The following KCNIP4 variants were observed in gnomAD, a reference collection of about 807,000 sequenced individuals.
KCNIP4 encodes the protein potassium voltage-gated channel interacting protein 4.
A neutral mutation model predicts 34.0 loss-of-function variants in KCNIP4; 12 were observed. The observed-to-expected ratio is 0.35, with a 90% confidence interval of 0.23 to 0.57. The LOEUF (loss-of-function observed/expected upper bound fraction) is 0.57, where lower values mean the gene tolerates loss of function less well. Ranked by LOEUF, KCNIP4 falls within the 20% of genes least tolerant of loss-of-function variation. The pLI is 0.83. For synonymous variants in KCNIP4, 124 were observed against 102.2 expected (o/e 1.21, Z -1.29); for missense variants, 238 against 311.7 (o/e 0.76, Z 1.78).
At chr4:21,462,146 C>A (rs1168656229) in intron 1 of KCNIP4, among the ~76,000 whole-genome samples, 1 of 152,016 alleles carries the variant, frequency 6.6e-6, no homozygotes, top group Non-Finnish European at 1.5e-5. Context: ...GATCTTATTC[C>A]TTCTAAGTAA....
At position 21,674,774 on chromosome 4, in the gene KCNIP4, C is replaced by T. The variant is rs377409875; in HGVS notation, c.61+273797G>A. On this transcript the variant is annotated intron_variant, in intron 1 of 8. Coordinates refer to ENST00000382152, the MANE Select transcript of KCNIP4 (RefSeq NM_025221.6). Reference sequence around the variant, plus strand: ...CCATACCTCAATCATCTGTGGATCCCATTCATGGTTGAACAGTACCTGTAT... The same window carrying T: ...CCATACCTCAATCATCTGTGGATCCTATTCATGGTTGAACAGTACCTGTAT... Among the ~76,000 whole-genome samples, 10 of 152,244 alleles carry T rather than the reference C, an allele frequency of 6.6e-5. No individual in the cohort carries two copies. The East Asian group carries it at 1.5e-3, about 23-fold the overall frequency.
At chr4:21,433,328 G>T (rs975051982) in intron 1 of KCNIP4, among the ~76,000 whole-genome samples, 2 of 152,144 alleles carry the variant, frequency 1.3e-5, no homozygotes, top group African/African-American at 2.4e-5. Context: ...GGGGCTGGGT[G>T]CAGTGGCTCA....
chr4:20,779,609 CA>C (rs1206660998), intron 3 of KCNIP4, among the ~76,000 whole-genome samples: 16 of 42,540 alleles, frequency 3.8e-4, no homozygotes, highest in African/African-American at 1.4e-3. Context: ...GAAATGAAAA[CA>C]AAAAAAATTT....
intron 1 of KCNIP4, among the ~76,000 whole-genome samples, chr4:21,709,126 T>G (rs1713515732): frequency 6.6e-6 from 1 of 151,098 alleles, no homozygotes. Context: ...TGAGGTGAGA[T>G]CCCCAAAAAA....
intron 1 of KCNIP4, among the ~76,000 whole-genome samples, chr4:21,892,506 A>G (rs193075693): frequency 1.4e-5 from 2 of 144,424 alleles, no homozygotes; most frequent in Admixed American, 7.0e-5. Context: ...CATTTTCTGT[A>G]TGTATATTAT....
At chr4:21,396,238 A>T (rs1377765505) in intron 1 of KCNIP4, among the ~76,000 whole-genome samples, 1 of 151,978 alleles carries the variant, frequency 6.6e-6, no homozygotes, top group Non-Finnish European at 1.5e-5. Flanking sequence ...TGAGGTAGTC[A>T]TTCTTATTAT....
chr4:21,660,385 C>T (rs1173774688), intron 1 of KCNIP4, among the ~76,000 whole-genome samples: 1 of 152,116 alleles, frequency 6.6e-6, no homozygotes, highest in Non-Finnish European at 1.5e-5. Context: ...TTTTAAACTC[C>T]TTGTCTCCCT....
At chr4:20,772,103 A>G (rs1387387048) in intron 3 of KCNIP4, among the ~76,000 whole-genome samples, 1 of 152,182 alleles carries the variant, frequency 6.6e-6, no homozygotes, top group East Asian at 1.9e-4. Context: ...TTAAGAAATG[A>G]GCACAGGGAG....
chr4:21,941,200 A>G (rs1730183916), intron 1 of KCNIP4, among the ~76,000 whole-genome samples: 1 of 152,216 alleles, frequency 6.6e-6, no homozygotes, highest in Non-Finnish European at 1.5e-5. Context: ...GAAGACATTT[A>G]GAAGTCATGT....
chr4:20,963,364 A>G (rs968834471), intron 1 of KCNIP4, among the ~76,000 whole-genome samples: 1 of 151,696 alleles, frequency 6.6e-6, no homozygotes, highest in African/African-American at 2.4e-5. Context: ...AAGAAAGTAT[A>G]AATAATAAAA....
At chr4:21,554,584 T>C (rs1020368996) in intron 1 of KCNIP4, among the ~76,000 whole-genome samples, 1 of 152,142 alleles carries the variant, frequency 6.6e-6, no homozygotes, top group Non-Finnish European at 1.5e-5. Flanking sequence ...TTTCATTATC[T>C]TGTGCTTCAC....
chr4:20,749,807 C>G (rs949696688), intron 4 of KCNIP4, 75 bp from the exon 5 acceptor site: 1 of 934,030 alleles, frequency 1.1e-6, no homozygotes, highest in African/African-American at 1.6e-5. Context: ...GCAGTCCAAG[C>G]TTCCTTTGAT....
At chr4:21,904,420 C>G (rs1310663480) in intron 1 of KCNIP4, among the ~76,000 whole-genome samples, 1 of 152,172 alleles carries the variant, frequency 6.6e-6, no homozygotes, top group Non-Finnish European at 1.5e-5. Context: ...GTGACAGGAT[C>G]TAATATAATA....
chr4:21,078,484 A>G (rs1022637344), intron 1 of KCNIP4, among the ~76,000 whole-genome samples: 2 of 151,918 alleles, frequency 1.3e-5, no homozygotes, highest in African/African-American at 4.8e-5. Flanking sequence ...GAGAGAGATC[A>G]TCTCTCTTGT....
intron 1 of KCNIP4, among the ~76,000 whole-genome samples, chr4:21,141,526 T>G (rs780165353): frequency 3.3e-5 from 5 of 152,162 alleles, no homozygotes; most frequent in Admixed American, 6.5e-5. Context: ...GAAAAAAATA[T>G]GAAGAAGGAA....
chr4:21,832,127 G>A (rs1225349636), intron 1 of KCNIP4, among the ~76,000 whole-genome samples: 1 of 152,034 alleles, frequency 6.6e-6, no homozygotes, highest in Non-Finnish European at 1.5e-5. Flanking sequence ...TTAACAACCT[G>A]AAAGACAAAA....
At chr4:21,521,354 G>A (rs996899420) in intron 1 of KCNIP4, among the ~76,000 whole-genome samples, 1 of 152,100 alleles carries the variant, frequency 6.6e-6, no homozygotes, top group Non-Finnish European at 1.5e-5. Flanking sequence ...TATGGTTGTG[G>A]TAAGGATTCA....
At chr4:21,746,211 T>A (rs545027983) in intron 1 of KCNIP4, among the ~76,000 whole-genome samples, 10 of 152,160 alleles carry the variant, frequency 6.6e-5, no homozygotes, top group African/African-American at 9.7e-5. Flanking sequence ...TAAAGCCCTA[T>A]CTTCAAATAT....
chr4:21,344,102 A>T (rs762101554), intron 1 of KCNIP4, among the ~76,000 whole-genome samples: 15 of 152,160 alleles, frequency 9.9e-5, no homozygotes, highest in Admixed American at 8.5e-4. Context: ...TGTGCACAAG[A>T]CATGTGCTGA....
Sources: gnomAD v4.1 joint callset for allele counts (sites outside exome capture counted in the v4.1 genomes callset) on GRCh38, gnomAD v4.1.1 for gene constraint, MANE v1.5 for transcripts, NCBI Gene and HGNC (gene_info 2026-07-23, HGNC 2026-07-21) for gene names.